The following SLC4A4 variants were observed in gnomAD, a reference collection of about 807,000 sequenced individuals.
SLC4A4 encodes solute carrier family 4 member 4, also known as electrogenic sodium bicarbonate cotransporter 1.
SLC4A4 carries 27 observed loss-of-function variants against 111.5 expected under a neutral mutation model. The ratio of observed to expected loss-of-function variants is 0.24; its 90% CI spans 0.18 to 0.33. The LOEUF is 0.33. Among genes scored for constraint, SLC4A4 ranks in the 10% least tolerant of loss-of-function variants. The pLI is 1.00. For synonymous variants in SLC4A4, 443 were observed against 463.4 expected (o/e 0.96, Z 0.57); for missense variants, 909 against 1,315.5 (o/e 0.69, Z 4.78).
At chr4:71,494,988 G>A (rs1392957090) in intron 15 of SLC4A4, among the ~76,000 whole-genome samples, 1 of 152,096 alleles carries the variant, frequency 6.6e-6, no homozygotes, top group East Asian at 1.9e-4. Flanking sequence ...TATGGGAGTA[G>A]GAAACTTTGT....
chr4:71,082,816 A>C (rs1179361570), intron 1 of SLC4A4, among the ~76,000 whole-genome samples: 3 of 150,730 alleles, frequency 2.0e-5, no homozygotes, highest in African/African-American at 7.3e-5. Context: ...ATAATCATTC[A>C]TTCCTGAAGT....
chr4:71,420,593 G>T (rs942536512), intron 7 of SLC4A4, among the ~76,000 whole-genome samples: 2 of 152,116 alleles, frequency 1.3e-5, no homozygotes, highest in East Asian at 1.9e-4. Context: ...GAGAAAGGTC[G>T]GGTTACTCAC....
intron 14 of SLC4A4, chr4:71,473,317 A>G (rs953044783): frequency 3.6e-6 from 2 of 560,126 alleles, no homozygotes; most frequent in African/African-American, 3.8e-5. Flanking sequence ...TATGTGACAA[A>G]CCTATCCTTT....
intron 2 of SLC4A4, among the ~76,000 whole-genome samples, chr4:71,245,810 G>A (rs565846561): frequency 1.1e-4 from 16 of 152,220 alleles, no homozygotes; most frequent in Admixed American, 4.6e-4. Flanking sequence ...AAGAGGACTC[G>A]ATTGGACTCT....
intron 1 of SLC4A4, among the ~76,000 whole-genome samples, chr4:71,230,428 G>A (rs533351997): frequency 2.6e-5 from 4 of 152,314 alleles, no homozygotes; most frequent in East Asian, 1.9e-4. Flanking sequence ...TTTGGTGTGC[G>A]TCTGTGGGCA....
chr4:71,420,446 G>C (rs1270716557), intron 7 of SLC4A4, among the ~76,000 whole-genome samples: 4 of 152,064 alleles, frequency 2.6e-5, no homozygotes, highest in African/African-American at 9.7e-5. Context: ...CCCCAATCTA[G>C]CAAGGCAGGC....
intron 1 of SLC4A4, among the ~76,000 whole-genome samples, chr4:71,217,818 C>G (rs987804155): frequency 1.3e-5 from 2 of 152,176 alleles, no homozygotes; most frequent in African/African-American, 4.8e-5. Context: ...GAAGCAGAGG[C>G]AGGAAGACTT....
chr4:71,538,367 A>T (rs1734754671), intron 18 of SLC4A4, among the ~76,000 whole-genome samples: 1 of 152,160 alleles, frequency 6.6e-6, no homozygotes, highest in African/African-American at 2.4e-5. Context: ...AATATATAAA[A>T]AATAAGTTTT....
chr4:71,094,804 AG>A (rs1742494286), intron 2 of SLC4A4, among the ~76,000 whole-genome samples: 1 of 133,966 alleles, frequency 7.5e-6, no homozygotes, highest in Non-Finnish European at 1.6e-5. Context: ...AGGACAAGAA[AG>A]GTCTCTCTGT....
intron 10 of SLC4A4, 80 bp from the exon 11 acceptor site, chr4:71,451,108 A>T: frequency 2.1e-6 from 2 of 937,418 alleles, no homozygotes; most frequent in Non-Finnish European, 1.7e-6. Context: ...CCATCTCCCC[A>T]TTAGCCAGAG....
intron 2 of SLC4A4, among the ~76,000 whole-genome samples, chr4:71,147,955 G>A (rs1286120132): frequency 6.6e-6 from 1 of 152,144 alleles, no homozygotes; most frequent in Admixed American, 6.6e-5. Context: ...TCCTGGGCCT[G>A]ACCAGTGAGC....
rs199799887 is a variant in SLC4A4, at chr4:71,397,545, T to A, written c.731-32T>A. On this transcript the variant is annotated intron_variant, in intron 6 of 25. Coordinates refer to ENST00000264485, the MANE Select transcript of SLC4A4 (RefSeq NM_001098484.3). The stretch of plus-strand genomic sequence containing the variant: ...AAGTCTTTGTGTTATTGAAAAGAAG[T>A]CTTTAATTAGAGTTTACTTGTGTTT... 2.6e-5 allele frequency: 41 copies of A among 1,569,104 alleles called. 2 individuals carry two copies. The Admixed American group carries it at 5.3e-4, about 20-fold the overall frequency.
chr4:71,137,221 A>G (rs1743870205), intron 2 of SLC4A4, among the ~76,000 whole-genome samples: 1 of 152,170 alleles, frequency 6.6e-6, no homozygotes, highest in African/African-American at 2.4e-5. Flanking sequence ...TCTATATTGA[A>G]GTTATGATAG....
intron 7 of SLC4A4, among the ~76,000 whole-genome samples, chr4:71,411,371 C>T (rs941063788): frequency 1.3e-5 from 2 of 152,130 alleles, no homozygotes; most frequent in Non-Finnish European, 2.9e-5. Flanking sequence ...CGCCCCCCCC[C>T]TCTTGCCCCC....
rs368248958 is a variant in SLC4A4 at position 71,253,958 on chromosome 4, T to C, written c.74-1262T>C. ...CTTTCCTGAAGGAGCATATAATTCT[T>C]TGAAGCCTGCCAATTTAAGGAAACA... On this transcript the variant is annotated intron_variant, in intron 2 of 25. Transcript: ENST00000264485. 9.8e-5 allele frequency among the ~76,000 whole-genome samples: 15 copies of C among 152,318 alleles called. No homozygotes were observed. The South Asian group carries it at 2.9e-3, about 29-fold the overall frequency.
chr4:71,293,233 C>G (rs1359395540), intron 3 of SLC4A4, among the ~76,000 whole-genome samples: 1 of 151,072 alleles, frequency 6.6e-6, no homozygotes, highest in Non-Finnish European at 1.5e-5. Flanking sequence ...AAAAACAAAT[C>G]ACTTGCTTAG....
At chr4:71,511,674 G>T (rs1480563925) in intron 16 of SLC4A4, among the ~76,000 whole-genome samples, 1 of 151,938 alleles carries the variant, frequency 6.6e-6, no homozygotes, top group Non-Finnish European at 1.5e-5. Flanking sequence ...ATACATTTTT[G>T]TTAAGTATAG....
At chr4:71,527,019 G>C (rs920992284) in intron 16 of SLC4A4, among the ~76,000 whole-genome samples, 7 of 151,988 alleles carry the variant, frequency 4.6e-5, no homozygotes, top group African/African-American at 1.7e-4. Flanking sequence ...CTAAACTAGT[G>C]GATTGGCAAC....
chr4:71,368,925 C>T (rs535971104), intron 6 of SLC4A4, among the ~76,000 whole-genome samples: 18 of 152,110 alleles, frequency 1.2e-4, no homozygotes, highest in South Asian at 6.2e-4. Flanking sequence ...TCCTTTAACC[C>T]GCTTGTGTGA....
Sources: allele counts gnomAD v4.1 joint callset (sites outside exome capture counted in the v4.1 genomes callset), GRCh38; gene constraint gnomAD v4.1.1; transcripts MANE v1.5; gene names NCBI Gene and HGNC (gene_info 2026-07-23, HGNC 2026-07-21).